The following USP20 variants were observed in gnomAD, a reference collection of about 807,000 sequenced individuals.
USP20 encodes the protein ubiquitin carboxyl-terminal hydrolase 20.
Under a neutral mutation model 124.2 loss-of-function variants are expected in USP20, and 80 were observed. That is an observed-to-expected ratio of 0.64 (90% CI 0.54 to 0.78). The LOEUF is 0.78. Among genes scored for constraint, USP20 ranks in the 30% least tolerant of loss-of-function variants. USP20 has a pLI of 0.00. For missense variants in USP20, 1,043 were observed against 1,244.4 expected (o/e 0.84, Z 2.44); for synonymous variants, 481 against 512.3 (o/e 0.94, Z 0.83).
chr9:129,878,356 G>A lies in USP20; in HGVS notation c.2428G>A (p.Ala810Thr). 1 of 1,598,258 alleles carries A rather than the reference G, an allele frequency of 6.3e-7. No individual in the cohort carries two copies. Among genetic ancestry groups the A allele is most frequent in the Non-Finnish European group, 8.5e-7 (1 of 1,172,476 alleles). The change falls in exon 23 of 26, where the codon GCC (alanine) becomes ACC (threonine). Residue 810 changes from alanine (A) to threonine (T), a missense_variant. Physicochemically the swap from Ala to Thr is moderately conservative, Grantham distance 58. Transcript: ENST00000372429. ...TFIKLNKAFQAEESPGVIYCI... is the reference protein window; with the variant it reads ...TFIKLNKAFQTEESPGVIYCI... ...CTGCCAGTTGAACAAGGCCTTCCAG[G>A]CCGAGGAGTCGCCGGGCGTCATCTA... is the stretch of plus-strand genomic sequence containing the variant.
At chr9:129,880,062 C>T in intron 24 of USP20, 51 bp from the exon 25 acceptor site, 1 of 1,593,450 alleles carries the variant, frequency 6.3e-7, no homozygotes, top group Non-Finnish European at 8.6e-7. Context: ...AGGCCGGTGG[C>T]TTCCTTGAGG....
rs756515595 is a variant in USP20, at chr9:129,880,235, G to A, written c.2707G>A (p.Gly903Arg). 15 of 1,612,286 alleles carry A rather than the reference G, an allele frequency of 9.3e-6. No homozygotes were observed. The highest frequency in any genetic ancestry group is 3.3e-5 in the Admixed American group (2 of 59,820). Residue 903 changes from glycine (G) to arginine (R), a missense_variant, in exon 25 of 26, where the codon GGG becomes AGG. Physicochemically the swap from Gly to Arg is moderately radical, Grantham distance 125. Coordinates refer to ENST00000372429, the MANE Select transcript of USP20 (RefSeq NM_001110303.4). ...AQPLGPENLH[G>R]EQKIEAETRA... ...GCCGCTGGGCCCAGAGAACCTGCAC[G>A]GGGAGCAGAAGATCGAAGCCGAGAC...
At chr9:129,861,502 A>C in intron 7 of USP20, 41 bp from the exon 8 acceptor site, 1 of 1,595,446 alleles carries the variant, frequency 6.3e-7, no homozygotes, top group Non-Finnish European at 8.6e-7. Flanking sequence ...TCGGTGGGGC[A>C]GGGTGCTCAC....
At chr9:129,843,604 G>A (rs534299967) in intron 1 of USP20, among the ~76,000 whole-genome samples, 1 of 151,960 alleles carries the variant, frequency 6.6e-6, no homozygotes, top group Non-Finnish European at 1.5e-5. Context: ...GGGCGTGGTG[G>A]TGTGTGCTTG....
intron 3 of USP20, among the ~76,000 whole-genome samples, chr9:129,853,724 G>A (rs4288464): frequency 0.78 from 119,285 of 152,072 alleles, 47,203 homozygotes; most frequent in East Asian, 0.98. Context: ...AGTGAGGCCC[G>A]GATGTGTTTG....
intron 9 of USP20, among the ~76,000 whole-genome samples, chr9:129,864,104 C>CAAAAAAA (rs34045747): frequency 1.5e-5 from 2 of 136,812 alleles, no homozygotes; most frequent in African/African-American, 2.8e-5. Flanking sequence ...GACTCTGTCT[C>CAAAAAAA]AAAAAAAAAA....
intron 16 of USP20, 64 bp from the exon 17 acceptor site, chr9:129,873,635 G>A: frequency 6.2e-7 from 1 of 1,613,648 alleles, no homozygotes; most frequent in Non-Finnish European, 8.5e-7. Context: ...CCGGGTGGAG[G>A]GCTGCTTCCC....
rs567063165 is a variant in USP20 at position 129,835,520 on chromosome 9, G to C, written c.-129+21G>C. 2.4e-4 allele frequency: 68 copies of C among 283,734 alleles called. No homozygotes were observed. In the East Asian group the frequency reaches 4.8e-3, roughly 20 times the overall value. 17.6% of individuals were successfully genotyped at this position (283,734 alleles called of 1,614,324 possible). A position where few individuals can be genotyped will look rare whatever the true frequency, so the allele number is the denominator to read the frequency against. On this transcript the variant is annotated intron_variant, in intron 1 of 25. Coordinates refer to ENST00000372429, the MANE Select transcript of USP20 (RefSeq NM_001110303.4). Reference sequence around the variant, plus strand: ...TGCAGGTGAGTTCCGGGCCGCCACCGGCTGCTTCTGTGGGCCGGGCCTCTG... The same window carrying C: ...TGCAGGTGAGTTCCGGGCCGCCACCCGCTGCTTCTGTGGGCCGGGCCTCTG...
In USP20 at chr9:129,874,580, T is replaced by C. The variant is rs1437309941; in HGVS notation, c.1745T>C (p.Leu582Pro). ...GCGCTCTCTCTGTCCCCGCAGATCC[T>C]GTGCATTCACCTAAAGCGCTTTCGG... ...YCKVLRLPEI[L>P]CIHLKRFRHE... Residue 582 changes from leucine to proline, a missense_variant, in exon 18 of 26, where the codon CTG becomes CCG. Leu to Pro is a moderately conservative substitution (Grantham distance 98, BLOSUM62 -3). Coordinates refer to ENST00000372429, the MANE Select transcript of USP20 (RefSeq NM_001110303.4). The C allele has an allele frequency of 2.5e-6, 4 of 1,613,514 alleles. No individual in the cohort carries two copies. In the East Asian group the frequency reaches 8.9e-5, roughly 36 times the overall value.
intron 22 of USP20, among the ~76,000 whole-genome samples, chr9:129,876,659 A>G (rs1051616207): frequency 6.6e-6 from 1 of 151,326 alleles, no homozygotes; most frequent in Non-Finnish European, 1.5e-5. Flanking sequence ...AAAAAAGAAA[A>G]AGAAAAGAAA....
intron 1 of USP20, among the ~76,000 whole-genome samples, chr9:129,837,209 G>T (rs377168789): frequency 1.2e-4 from 19 of 152,178 alleles, no homozygotes; most frequent in African/African-American, 4.3e-4. Context: ...GTCTCACTGG[G>T]CCCTTTTAAG....
intron 1 of USP20, among the ~76,000 whole-genome samples, chr9:129,846,247 A>AT (rs35809246): frequency 0.015 from 481 of 32,742 alleles, 39 homozygotes; most frequent in South Asian, 0.03. Context: ...ATATATATAT[A>AT]TTTTTTTTTT....
Position 129,878,351 on chromosome 9 carries a change from TC to T in USP20, c.2425del (p.Gln809ArgfsTer51), listed in dbSNP as rs2034493656. 4 of 1,595,088 alleles carry T rather than the reference TC, an allele frequency of 2.5e-6. No individual in the cohort carries two copies. The highest frequency in any genetic ancestry group is 2.6e-6 in the Non-Finnish European group (3 of 1,170,968). ...IDTFIKLNKA[F>X]QAEESPGVIY... ...CCCGCCTGCCAGTTGAACAAGGCCT[TC>T]CAGGCCGAGGAGTCGCCGGGCGTCA... On this transcript the variant is annotated frameshift_variant, in exon 23 of 26. Coordinates refer to ENST00000372429, the MANE Select transcript of USP20 (RefSeq NM_001110303.4). LOFTEE classifies it high-confidence loss of function.
At position 129,879,044 on chromosome 9, in the gene USP20, C is replaced by T. The variant is rs1209151350; in HGVS notation, c.2513-529C>T. On this transcript the variant is annotated intron_variant, in intron 23 of 25. Coordinates refer to ENST00000372429, the MANE Select transcript of USP20 (RefSeq NM_001110303.4). The surrounding 1 kb of genome is among the most constrained non-coding windows in gnomAD (Gnocchi z 4.2). ...GGGAAGGGAGGCCTCATTGCCATCC[C>T]GCTAGTCGGGGAAGGTGCCAGGGCC... Among the ~76,000 whole-genome samples the T allele has an allele frequency of 2.6e-5, 4 of 152,194 alleles. No homozygotes were observed. The highest frequency in any genetic ancestry group is 4.4e-5 in the Non-Finnish European group (3 of 68,026).
intron 8 of USP20, among the ~76,000 whole-genome samples, 175 bp downstream of exon 8, chr9:129,861,787 G>T (rs1421960122): frequency 6.6e-6 from 1 of 152,204 alleles, no homozygotes; most frequent in East Asian, 1.9e-4. Flanking sequence ...AATGTATCCT[G>T]AGGAGATAAC....
intron 2 of USP20, among the ~76,000 whole-genome samples, chr9:129,850,693 T>C (rs930425404): frequency 1.3e-5 from 2 of 152,096 alleles, no homozygotes; most frequent in African/African-American, 4.8e-5. Flanking sequence ...TGCGCTCTTG[T>C]TGCCTAGGCT....
At chr9:129,860,787 T>C (rs2033502026) in intron 6 of USP20, 150 bp from the exon 7 acceptor site, 3 of 761,278 alleles carry the variant, frequency 3.9e-6, no homozygotes, top group Admixed American at 2.3e-5. Flanking sequence ...TCCTATCTCT[T>C]TTCACAGTAC....
intron 6 of USP20, among the ~76,000 whole-genome samples, chr9:129,859,821 GC>G (rs2033441708): frequency 6.6e-6 from 1 of 152,146 alleles, no homozygotes; most frequent in South Asian, 2.1e-4. Context: ...GATCGCTTGA[GC>G]CCAGGAGTTT....
In USP20 at chr9:129,874,622, C is replaced by T; in HGVS notation, c.1787C>T (p.Ser596Leu). The T allele has an allele frequency of 6.2e-7, 1 of 1,613,856 alleles. No individual in the cohort carries two copies. Among genetic ancestry groups the T allele is most frequent in the Non-Finnish European group, 8.5e-7 (1 of 1,180,020 alleles). The stretch of plus-strand genomic sequence containing the variant: ...CGCTTTCGGCACGAGGTGATGTACT[C>T]ATTCAAGATCAACAGCCACGTCTCC... ...LKRFRHEVMY[S>L]FKINSHVSFP... The change falls in exon 18 of 26, where the codon TCA becomes TTA. Residue 596 changes from serine to leucine, a missense_variant. Physicochemically the swap from Ser to Leu is moderately radical, Grantham distance 145. Coordinates refer to ENST00000372429, the MANE Select transcript of USP20 (RefSeq NM_001110303.4).
Sources: allele counts gnomAD v4.1 joint callset (sites outside exome capture counted in the v4.1 genomes callset), GRCh38; gene constraint gnomAD v4.1.1; non-coding constraint Gnocchi (gnomAD v3.1); transcripts MANE v1.5; gene names NCBI Gene and HGNC (gene_info 2026-07-23, HGNC 2026-07-21).